The following SEMA6A variants were observed in gnomAD, a reference collection of about 807,000 sequenced individuals.
The protein encoded by SEMA6A is semaphorin-6A.
In SEMA6A, 25 loss-of-function variants were observed where a neutral mutation model predicts 96.8. The observed-to-expected ratio is 0.26, with a 90% CI of 0.19 to 0.36. The LOEUF (loss-of-function observed/expected upper bound fraction) is 0.36. Ranked by LOEUF, SEMA6A falls within the 10% of genes least tolerant of loss-of-function variation. The pLI is 1.00. For missense variants in SEMA6A, 1,363 were observed against 1,323.1 expected (o/e 1.03, Z -0.47); for synonymous variants, 612 against 518.0 (o/e 1.18, Z -2.46).
intron 1 of SEMA6A, among the ~76,000 whole-genome samples, chr5:116,529,951 A>G (rs1032855): frequency 0.055 from 8,436 of 152,158 alleles, 358 homozygotes; most frequent in South Asian, 0.18. Flanking sequence ...CACACAATTT[A>G]CCCATGTAAC....
chr5:116,511,530 G>T (rs1046884544), intron 1 of SEMA6A, among the ~76,000 whole-genome samples: 1 of 152,198 alleles, frequency 6.6e-6, no homozygotes, highest in African/African-American at 2.4e-5. Flanking sequence ...AGAGAAAGGT[G>T]ATGGCATAAA....
intron 1 of SEMA6A, among the ~76,000 whole-genome samples, chr5:116,551,736 G>C (rs1356856051): frequency 6.6e-6 from 1 of 152,124 alleles, no homozygotes; most frequent in Non-Finnish European, 1.5e-5. Flanking sequence ...TGACCTGATT[G>C]TTAAGTTCAG....
intron 18 of SEMA6A, among the ~76,000 whole-genome samples, chr5:116,459,624 C>G (rs1331549581): frequency 6.6e-6 from 1 of 152,122 alleles, no homozygotes; most frequent in African/African-American, 2.4e-5. Flanking sequence ...CTTGGAATGC[C>G]CTTCCTCCTG....
At chr5:116,468,303 T>C (rs897507111) in intron 17 of SEMA6A, 2 of 152,380 alleles carry the variant, frequency 1.3e-5, no homozygotes, top group African/African-American at 2.4e-5. Flanking sequence ...GTGTGTCTAG[T>C]CTTCAGGTTC....
At position 116,444,454 on chromosome 5, in the gene SEMA6A, G is replaced by T. The variant is rs1754065036; in HGVS notation, c.*2159C>A. 1 of 152,238 alleles carries T rather than the reference G, an allele frequency of 6.6e-6. No homozygotes were observed. The highest frequency in any genetic ancestry group is 2.1e-4 in the South Asian group (1 of 4,824). The allele number at this position is 152,238 out of a possible 1,614,324, so 9.4% of individuals were successfully genotyped here. A position where few individuals can be genotyped will look rare whatever the true frequency, so the allele number is the denominator to read the frequency against. ...TTTAAAGACAAAACTAAACCCAGAAGATCGAACTGGAAATAAAAGCAGACA... is the reference window on the plus strand; with the variant it reads ...TTTAAAGACAAAACTAAACCCAGAATATCGAACTGGAAATAAAAGCAGACA... On this transcript the variant is annotated 3_prime_UTR_variant, in exon 19 of 19. Transcript: ENST00000343348.
intron 1 of SEMA6A, among the ~76,000 whole-genome samples, chr5:116,549,078 A>G (rs1760300594): frequency 6.6e-6 from 1 of 152,316 alleles, no homozygotes; most frequent in Non-Finnish European, 1.5e-5. Context: ...AGCAAACAAC[A>G]AAATGGACCT....
At position 116,446,650 on chromosome 5, in the gene SEMA6A, A is replaced by G. The variant is rs1342863632; in HGVS notation, c.3056T>C (p.Leu1019Pro). 3 of 1,528,712 alleles carry G rather than the reference A, an allele frequency of 2.0e-6. No homozygotes were observed. The highest frequency in any genetic ancestry group is 1.3e-5 in the South Asian group (1 of 76,046). The allele number at this position is 1,528,712 out of a possible 1,614,324, so 94.7% of individuals were successfully genotyped here. The change falls in exon 19 of 19, where the codon CTT (leucine) becomes CCT (proline). Residue 1019 changes from leucine to proline, a missense_variant. Physicochemically the swap from Leu to Pro is moderately conservative, Grantham distance 98 (BLOSUM62 -3). Around this residue, in one of 2 missense-constraint regions of SEMA6A, gnomAD observed 883 missense variants for 763.6 expected, o/e 1.16. Coordinates refer to ENST00000343348, the MANE Select transcript of SEMA6A (RefSeq NM_020796.5). ...DVPPKPSFAP[L>P]STSMKPNDAC... ...ATCATTGGGCTTCATGGATGTGGAA[A>G]GGGGAGCAAAGGATGGTTTGGGGGG...
intron 4 of SEMA6A, 107 bp from the exon 5 acceptor site, chr5:116,496,420 A>C: frequency 1.2e-6 from 1 of 860,248 alleles, no homozygotes; most frequent in South Asian, 1.6e-5. Flanking sequence ...ATATTTATTG[A>C]AAGCTTTCTG....
At chr5:116,542,599 C>CA (rs1210756651) in intron 1 of SEMA6A, among the ~76,000 whole-genome samples, 13 of 152,046 alleles carry the variant, frequency 8.6e-5, no homozygotes. Flanking sequence ...TTTAGAAACC[C>CA]AAAAAAGTCA....
At chr5:116,566,181 A>T (rs1490496043) in intron 1 of SEMA6A, among the ~76,000 whole-genome samples, 3 of 152,190 alleles carry the variant, frequency 2.0e-5, no homozygotes, top group African/African-American at 7.2e-5. Flanking sequence ...GCTTCTAATC[A>T]AATCATGGCC....
rs6889948 is a variant in SEMA6A at position 116,532,431 on chromosome 5, C to G, written c.-38-27449G>C. 3.6e-3 allele frequency among the ~76,000 whole-genome samples: 553 copies of G among 152,290 alleles called. 8 individuals are homozygous for G. Among genetic ancestry groups the G allele is most frequent in the African/African-American group, 0.013 (523 of 41,550 alleles). ...GGCCACAAGACTGTTTAATAGGAGACAGACAAATGTAACTCCATGTTTACT... is the reference window on the plus strand; with the variant it reads ...GGCCACAAGACTGTTTAATAGGAGAGAGACAAATGTAACTCCATGTTTACT... On this transcript the variant is annotated intron_variant, in intron 1 of 18. Transcript: ENST00000343348.
chr5:116,502,559 A>G, intron 2 of SEMA6A: 1 of 466,628 alleles, frequency 2.1e-6, no homozygotes, highest in Non-Finnish European at 3.8e-6. Context: ...CTGGATTTAT[A>G]TTTCTAAGTG....
In SEMA6A at chr5:116,445,635, A is replaced by C. The variant is rs1754131355; in HGVS notation, c.*978T>G. 6.6e-6 allele frequency: 1 copy of C among 152,518 alleles called. No homozygotes were observed. Among genetic ancestry groups the C allele is most frequent in the South Asian group, 2.1e-4 (1 of 4,826 alleles). The allele number at this position is 152,518 out of a possible 1,614,324, so 9.4% of individuals were successfully genotyped here. On this transcript the variant is annotated 3_prime_UTR_variant, in exon 19 of 19. Coordinates refer to ENST00000343348, the MANE Select transcript of SEMA6A (RefSeq NM_020796.5). ...GTTTTTTTGCATGTTTATAGGCCAG[A>C]GACCTGACCAGGCAATGAACTGATA...
In SEMA6A at chr5:116,480,219, G is replaced by T; in HGVS notation, c.1153C>A (p.Pro385Thr). 6.2e-7 allele frequency: 1 copy of T among 1,613,846 alleles called. No individual in the cohort carries two copies. Among genetic ancestry groups the T allele is most frequent in the Non-Finnish European group, 8.5e-7 (1 of 1,179,798 alleles). The change falls in exon 12 of 19, where the codon CCT (proline) becomes ACT (threonine). Residue 385 changes from proline to threonine, a missense_variant. Physicochemically the swap from Pro to Thr is conservative, Grantham distance 38 (BLOSUM62 -1). This residue lies in a region of SEMA6A where 480 missense variants were observed against 559.5 expected (regional missense o/e 0.86). Transcript: ENST00000343348. ...TTGATGAAGTTCAGGGTATCATCAG[G>T]GAACTCATTGGAGGTTGCATATCTT... ...LERYATSNEF[P>T]DDTLNFIKTH...
At chr5:116,477,786 A>C in intron 15 of SEMA6A, 60 bp downstream of exon 15, 5 of 1,534,622 alleles carry the variant, frequency 3.3e-6, no homozygotes, top group Non-Finnish European at 4.5e-6. Context: ...CAAATCTTAC[A>C]TCTAGAATAC....
intron 11 of SEMA6A, 129 bp downstream of exon 11, chr5:116,482,315 T>C (rs1756821769): frequency 3.1e-6 from 3 of 981,800 alleles, no homozygotes; most frequent in South Asian, 1.8e-5. Flanking sequence ...TTTTGGTTAA[T>C]GAGATGAAGG....
chr5:116,483,816 C>T (rs1015867321), intron 10 of SEMA6A, among the ~76,000 whole-genome samples: 1 of 152,086 alleles, frequency 6.6e-6, no homozygotes, highest in African/African-American at 2.4e-5. Flanking sequence ...ATAATCCTGG[C>T]ACTTTGGGAG....
intron 1 of SEMA6A, among the ~76,000 whole-genome samples, chr5:116,564,155 A>G (rs1760931737): frequency 6.6e-6 from 1 of 152,234 alleles, no homozygotes; most frequent in South Asian, 2.1e-4. Context: ...AGGCACGTGC[A>G]TTAAAAATGC....
intron 18 of SEMA6A, among the ~76,000 whole-genome samples, chr5:116,461,189 C>T (rs988405571): frequency 2.0e-5 from 3 of 152,128 alleles, no homozygotes; most frequent in Non-Finnish European, 4.4e-5. Context: ...AATAAGTGAT[C>T]TCTAATTCAA....
Sources: allele counts gnomAD v4.1 joint callset (sites outside exome capture counted in the v4.1 genomes callset), GRCh38; gene constraint gnomAD v4.1.1; regional missense constraint gnomAD v4.1.1; transcripts MANE v1.5; gene names NCBI Gene and HGNC (gene_info 2026-07-23, HGNC 2026-07-21).